Variants in ARHGAP24 observed in about 807,000 individuals in gnomAD.
ARHGAP24 encodes rho GTPase-activating protein 24.
ARHGAP24 carries 50 observed loss-of-function variants against 76.4 expected under a neutral mutation model. That is an observed-to-expected ratio of 0.65 (90% CI 0.52 to 0.83). The LOEUF is 0.83. Among genes scored for constraint, ARHGAP24 ranks in the 40% least tolerant of loss-of-function variants. The pLI, the probability that ARHGAP24 is intolerant of heterozygous loss-of-function variation, is 0.00. For synonymous variants in ARHGAP24, 345 were observed against 323.3 expected (o/e 1.07, Z -0.72); for missense variants, 930 against 914.2 (o/e 1.02, Z -0.22).
chr4:85,889,446 A>T (rs1183742157), intron 3 of ARHGAP24, among the ~76,000 whole-genome samples: 1 of 152,234 alleles, frequency 6.6e-6, no homozygotes, highest in Non-Finnish European at 1.5e-5. Context: ...CTCAATAAAC[A>T]TGAGCTGTTA....
At chr4:85,909,851 G>A (rs28605002) in intron 3 of ARHGAP24, among the ~76,000 whole-genome samples, 1 of 152,042 alleles carries the variant, frequency 6.6e-6, no homozygotes, top group Non-Finnish European at 1.5e-5. Context: ...CAGGATCCTT[G>A]GGGTGTCCCT....
At chr4:85,837,980 C>A (rs1261665919) in intron 3 of ARHGAP24, among the ~76,000 whole-genome samples, 1 of 152,196 alleles carries the variant, frequency 6.6e-6, no homozygotes, top group Non-Finnish European at 1.5e-5. Context: ...CTCCCAGCAT[C>A]ATTTGACTGT....
Position 85,995,677 on chromosome 4 carries a change from C to G in ARHGAP24, c.2003+20C>G. On this transcript the variant is annotated intron_variant, in intron 9 of 9. Transcript: ENST00000395184. Reference sequence around the variant, plus strand: ...AAAGAGGTAAGGAAAATCTGGAGGTCGTAACTACCAGAGAGGGCTCAGTAG... The same window carrying G: ...AAAGAGGTAAGGAAAATCTGGAGGTGGTAACTACCAGAGAGGGCTCAGTAG... The G allele has an allele frequency of 6.2e-7, 1 of 1,607,396 alleles. No individual in the cohort carries two copies. Among genetic ancestry groups the G allele is most frequent in the Admixed American group, 1.7e-5 (1 of 59,874 alleles).
At chr4:85,971,958 C>G in intron 5 of ARHGAP24, 78 bp from the exon 6 acceptor site, 1 of 1,604,514 alleles carries the variant, frequency 6.2e-7, no homozygotes, top group Non-Finnish European at 8.5e-7. Context: ...AATTCTGACT[C>G]CTGGGCTCTT....
At chr4:85,665,345 T>C (rs962234983) in intron 2 of ARHGAP24, among the ~76,000 whole-genome samples, 14 of 152,170 alleles carry the variant, frequency 9.2e-5, no homozygotes, top group Non-Finnish European at 1.9e-4. Flanking sequence ...ACCCCTGCCT[T>C]TTTTTGTTTT....
At chr4:85,542,995 C>T (rs369293776) in intron 1 of ARHGAP24, among the ~76,000 whole-genome samples, 3 of 152,232 alleles carry the variant, frequency 2.0e-5, no homozygotes, top group South Asian at 2.1e-4. Context: ...TAATATATAA[C>T]GTTTGCTCTT....
intron 3 of ARHGAP24, among the ~76,000 whole-genome samples, chr4:85,904,259 C>T (rs1462768648): frequency 6.6e-6 from 1 of 151,964 alleles, no homozygotes; most frequent in African/African-American, 2.4e-5. Context: ...AGAAAGTGAA[C>T]CAGGAGCAGG....
chr4:85,859,212 T>TACACACACACACACACACAC lies in ARHGAP24; in HGVS notation c.269-64424_269-64405dup, dbSNP rs10645010. On this transcript the variant is annotated intron_variant, in intron 3 of 9. Coordinates refer to ENST00000395184, the MANE Select transcript of ARHGAP24 (RefSeq NM_001025616.3). Reference sequence around the variant, plus strand: ...ATACACACATACATAGCCACATGCATACACACACACACACACACACACACA... The same window carrying TACACACACACACACACACAC: ...ATACACACATACATAGCCACATGCATACACACACACACACACACACACACACACACACACACACACACACA... Among the ~76,000 whole-genome samples, 1,297 of 145,468 alleles carry TACACACACACACACACACAC rather than the reference T, an allele frequency of 8.9e-3. 18 individuals are homozygous for TACACACACACACACACACAC. The highest frequency in any genetic ancestry group is 0.028 in the Admixed American group (398 of 14,374).
intron 1 of ARHGAP24, among the ~76,000 whole-genome samples, chr4:85,482,850 A>G (rs1434239217): frequency 6.6e-6 from 1 of 152,190 alleles, no homozygotes; most frequent in Non-Finnish European, 1.5e-5. Flanking sequence ...TAGCTTGCCA[A>G]AAATCACACA....
intron 2 of ARHGAP24, among the ~76,000 whole-genome samples, chr4:85,661,868 T>C (rs1460819502): frequency 6.6e-6 from 1 of 152,184 alleles, no homozygotes; most frequent in Non-Finnish European, 1.5e-5. Flanking sequence ...TATGGCTGCA[T>C]AGAATTCCAT....
intron 3 of ARHGAP24, among the ~76,000 whole-genome samples, chr4:85,834,725 G>C (rs1730173851): frequency 1.3e-5 from 2 of 152,200 alleles, no homozygotes; most frequent in African/African-American, 2.4e-5. Flanking sequence ...GCCAGGATGG[G>C]ATGAAGGCCT....
At chr4:85,725,818 G>C (rs554552674) in intron 3 of ARHGAP24, among the ~76,000 whole-genome samples, 11 of 152,290 alleles carry the variant, frequency 7.2e-5, no homozygotes, top group Non-Finnish European at 1.6e-4. Flanking sequence ...CAACGTAAGG[G>C]AAATGCAGGC....
chr4:85,850,609 C>T (rs1731168166), intron 3 of ARHGAP24, among the ~76,000 whole-genome samples: 1 of 152,200 alleles, frequency 6.6e-6, no homozygotes, highest in Non-Finnish European at 1.5e-5. Context: ...TCCCTATACA[C>T]ACTGCTTTAA....
At chr4:85,789,821 T>G (rs1416520273) in intron 3 of ARHGAP24, among the ~76,000 whole-genome samples, 1 of 152,176 alleles carries the variant, frequency 6.6e-6, no homozygotes, top group African/African-American at 2.4e-5. Context: ...AGAATCTTCT[T>G]GAGAAGTCCT....
chr4:85,912,688 G>A (rs552631528), intron 3 of ARHGAP24, among the ~76,000 whole-genome samples: 1 of 152,220 alleles, frequency 6.6e-6, no homozygotes, highest in East Asian at 1.9e-4. Flanking sequence ...GAAGAAAGTT[G>A]TTCCAATTAA....
At chr4:85,963,320 T>A (rs1738373778) in intron 5 of ARHGAP24, among the ~76,000 whole-genome samples, 1 of 152,104 alleles carries the variant, frequency 6.6e-6, no homozygotes, top group Non-Finnish European at 1.5e-5. Flanking sequence ...CTAAGTTAAA[T>A]TTGGATATAA....
intron 1 of ARHGAP24, among the ~76,000 whole-genome samples, chr4:85,500,392 T>C (rs1723756980): frequency 6.6e-6 from 1 of 152,166 alleles, no homozygotes; most frequent in Non-Finnish European, 1.5e-5. Context: ...ATGAAATATG[T>C]CCTTGGAAAA....
intron 1 of ARHGAP24, among the ~76,000 whole-genome samples, chr4:85,557,573 C>A (rs180998072): frequency 2.0e-4 from 30 of 152,276 alleles, no homozygotes; most frequent in Admixed American, 2.0e-3. Flanking sequence ...CTGTCTCACT[C>A]TTCTCTGTTC....
At chr4:85,890,959 C>T (rs1560699294) in intron 3 of ARHGAP24, among the ~76,000 whole-genome samples, 1 of 152,048 alleles carries the variant, frequency 6.6e-6, no homozygotes, top group Non-Finnish European at 1.5e-5. Flanking sequence ...GTCTAGGGAT[C>T]GCCTAAAATC....
Sources: gnomAD v4.1 joint callset for allele counts (sites outside exome capture counted in the v4.1 genomes callset) on GRCh38, gnomAD v4.1.1 for gene constraint, MANE v1.5 for transcripts, NCBI Gene and HGNC (gene_info 2026-07-23, HGNC 2026-07-21) for gene names.